Variants in JAZF1 observed in about 807,000 individuals in gnomAD.
The protein encoded by JAZF1 is juxtaposed with another zinc finger protein 1.
JAZF1 carries 8 observed loss-of-function variants against 26.4 expected under a neutral mutation model. That is an observed-to-expected ratio of 0.30 (90% CI 0.18 to 0.55). The LOEUF (loss-of-function observed/expected upper bound fraction) is 0.55. Among genes scored for constraint, JAZF1 ranks in the 20% least tolerant of loss-of-function variants. JAZF1 has a pLI of 0.94. For missense variants in JAZF1, 199 were observed against 322.0 expected (o/e 0.62, Z 2.92); for synonymous variants, 126 against 122.3 (o/e 1.03, Z -0.20).
intron 1 of JAZF1, among the ~76,000 whole-genome samples, chr7:28,000,122 G>A (rs1296832153): frequency 6.6e-6 from 1 of 152,138 alleles, no homozygotes; most frequent in Admixed American, 6.5e-5. Flanking sequence ...GCAGTGAGTT[G>A]AAGAGTATTA....
At chr7:27,901,136 G>C (rs1230500647) in intron 2 of JAZF1, among the ~76,000 whole-genome samples, 2 of 152,164 alleles carry the variant, frequency 1.3e-5, no homozygotes, top group Non-Finnish European at 2.9e-5. Context: ...CTAACAGCCT[G>C]AAAATCTGCG....
In JAZF1 at chr7:27,831,549, T is replaced by C. The variant is rs1782700379; in HGVS notation, c.*1251A>G. ...AGATTACTCTAATAGGTCGTATTAG[T>C]CATGCTTTTCTTTGACCACCTGCTG... On this transcript the variant is annotated 3_prime_UTR_variant, in exon 5 of 5. Transcript: ENST00000283928. The C allele has an allele frequency of 4.4e-6, 1 of 228,270 alleles. No individual in the cohort carries two copies. The highest frequency in any genetic ancestry group is 6.3e-5 in the East Asian group (1 of 15,928). 14.1% of individuals were successfully genotyped at this position (228,270 alleles called of 1,614,324 possible).
intron 1 of JAZF1, among the ~76,000 whole-genome samples, chr7:28,005,962 A>G (rs952878533): frequency 3.6e-4 from 55 of 152,178 alleles, no homozygotes; most frequent in African/African-American, 1.3e-3. Flanking sequence ...TTTCTGTGTG[A>G]CTTGAGCAAG....
At chr7:28,006,417 G>C (rs1245578282) in intron 1 of JAZF1, among the ~76,000 whole-genome samples, 3 of 152,062 alleles carry the variant, frequency 2.0e-5, no homozygotes, top group African/African-American at 7.2e-5. Context: ...TTACCCACTA[G>C]GTACCATTAT....
intron 1 of JAZF1, among the ~76,000 whole-genome samples, chr7:28,120,501 C>CTTTTTTGTTTTTTTTTTTTTTTTT (rs1782582595): frequency 1.7e-5 from 1 of 59,004 alleles, no homozygotes; most frequent in African/African-American, 6.8e-5. Flanking sequence ...ACACACAGTT[C>CTTTTTTGTTTTTTTTTTTTTTTTT]TTTTTTTTTT....
rs1784293675 is a variant in JAZF1 at position 28,091,368 on chromosome 7, T to C, written c.115+89095A>G. Among the ~76,000 whole-genome samples the C allele has an allele frequency of 2.0e-5, 3 of 151,896 alleles. No individual in the cohort carries two copies. In the East Asian group the frequency reaches 5.8e-4, roughly 29 times the overall value. ...CTATTTAAAACCACAGTTGTTAAAC[T>C]AGGTATTTATGAGGCATTTTCCCTT... On this transcript the variant is annotated intron_variant, in intron 1 of 4. Coordinates refer to ENST00000283928, the MANE Select transcript of JAZF1 (RefSeq NM_175061.4).
chr7:28,139,848 TA>T (rs1782936715), intron 1 of JAZF1, among the ~76,000 whole-genome samples: 1 of 152,140 alleles, frequency 6.6e-6, no homozygotes, highest in Non-Finnish European at 1.5e-5. Context: ...ATCCTGCCCT[TA>T]AAGAACTTAG....
At chr7:27,975,145 A>G (rs966336931) in intron 2 of JAZF1, among the ~76,000 whole-genome samples, 22 of 152,172 alleles carry the variant, frequency 1.4e-4, no homozygotes, top group African/African-American at 4.6e-4. Flanking sequence ...TCGGCCTCCC[A>G]AAGTGCTGGG....
At chr7:28,162,195 T>C (rs1473089819) in intron 1 of JAZF1, among the ~76,000 whole-genome samples, 1 of 152,204 alleles carries the variant, frequency 6.6e-6, no homozygotes, top group East Asian at 1.9e-4. Context: ...TCTACAGTAA[T>C]AGAATTATAG....
chr7:27,970,935 TC>T (rs138154291), intron 2 of JAZF1, among the ~76,000 whole-genome samples: 163 of 152,326 alleles, frequency 1.1e-3, no homozygotes, highest in African/African-American at 3.7e-3. Context: ...CCCTTGGGCA[TC>T]CATTTCTTTA....
chr7:28,069,979 C>T (rs576839734), intron 1 of JAZF1, among the ~76,000 whole-genome samples: 16 of 152,254 alleles, frequency 1.1e-4, no homozygotes, highest in South Asian at 4.1e-4. Flanking sequence ...CAAGTCCTCC[C>T]GCGCCTTCTC....
chr7:28,040,935 C>T (rs1395181092), intron 1 of JAZF1, among the ~76,000 whole-genome samples: 1 of 152,018 alleles, frequency 6.6e-6, no homozygotes, highest in Non-Finnish European at 1.5e-5. Flanking sequence ...ACATAGCAGA[C>T]ACTATGTTCC....
rs143374527 is a variant in JAZF1, at chr7:28,033,941, C to T, written c.116-41960G>A. Among the ~76,000 whole-genome samples, 14 of 152,250 alleles carry T rather than the reference C, an allele frequency of 9.2e-5. 1 individual carries two copies. The East Asian group carries it at 2.7e-3, about 29-fold the overall frequency. ...GTTTTTTTGTAGAGATGGGGTTTCA[C>T]CACGTTGGCCAAGCTGGTCTTGAAC... On this transcript the variant is annotated intron_variant, in intron 1 of 4. Coordinates refer to ENST00000283928, the MANE Select transcript of JAZF1 (RefSeq NM_175061.4).
intron 3 of JAZF1, among the ~76,000 whole-genome samples, chr7:27,867,419 A>G (rs1783492737): frequency 6.6e-6 from 1 of 152,202 alleles, no homozygotes; most frequent in Non-Finnish European, 1.5e-5. Flanking sequence ...ATTGCCCATA[A>G]AAGCTTAGTT....
intron 2 of JAZF1, among the ~76,000 whole-genome samples, chr7:27,968,060 A>G (rs1363106618): frequency 6.6e-6 from 1 of 152,262 alleles, no homozygotes; most frequent in African/African-American, 2.4e-5. Flanking sequence ...AAAGACTTTC[A>G]ACAGAGAATA....
chr7:28,110,509 GAAA>G lies in JAZF1; in HGVS notation c.115+69951_115+69953del, dbSNP rs1562590934. Among the ~76,000 whole-genome samples, 63 of 61,084 alleles carry G rather than the reference GAAA, an allele frequency of 1.0e-3. 1 individual carries two copies. The highest frequency in any genetic ancestry group is 0.01 in the Middle Eastern group (1 of 96). The allele number at this position is 61,084 out of a possible 152,430, so 40.1% of individuals were successfully genotyped here. On this transcript the variant is annotated intron_variant, in intron 1 of 4. Transcript: ENST00000283928. ...AAAGGAAAGGAAAGGAAAGGAAAAG[GAAA>G]GGAAAAGGAAAAGGAAAAGGAAAGG...
intron 1 of JAZF1, among the ~76,000 whole-genome samples, chr7:28,022,518 T>C (rs1310991959): frequency 6.6e-6 from 1 of 152,230 alleles, no homozygotes; most frequent in African/African-American, 2.4e-5. Flanking sequence ...ATAACATTTA[T>C]ACTTTTTTGT....
intron 1 of JAZF1, among the ~76,000 whole-genome samples, chr7:28,084,867 TG>T (rs1784189515): frequency 6.6e-6 from 1 of 152,174 alleles, no homozygotes; most frequent in East Asian, 1.9e-4. Context: ...TATTGAGAGG[TG>T]GGGCCTTTAA....
intron 1 of JAZF1, among the ~76,000 whole-genome samples, chr7:28,121,450 A>G (rs992633798): frequency 1.3e-5 from 2 of 152,224 alleles, no homozygotes; most frequent in Non-Finnish European, 2.9e-5. Context: ...AAGCTGTGAG[A>G]TGTAGCATGG....
Sources: allele counts gnomAD v4.1 joint callset (sites outside exome capture counted in the v4.1 genomes callset), GRCh38; gene constraint gnomAD v4.1.1; transcripts MANE v1.5; gene names NCBI Gene and HGNC (gene_info 2026-07-23, HGNC 2026-07-21).